ZP2: variants seen among roughly 807,000 people sequenced by gnomAD.
ZP2 encodes the protein zona pellucida sperm-binding protein 2.
Under a neutral mutation model 84.0 loss-of-function variants are expected in ZP2, and 51 were observed. The observed-to-expected ratio is 0.61, with a 90% CI of 0.49 to 0.77. The LOEUF (loss-of-function observed/expected upper bound fraction) is 0.77. Ranked by LOEUF, ZP2 falls within the 30% of genes least tolerant of loss-of-function variation. The pLI, the probability that ZP2 is intolerant of heterozygous loss-of-function variation, is 0.00. For synonymous variants in ZP2, 375 were observed against 330.9 expected, an observed-to-expected ratio of 1.13 and a Z score of -1.45; for missense variants, 909 against 911.9, an observed-to-expected ratio of 1.00 and a Z score of 0.04.
chr16:21,206,793 C>T, intron 5 of ZP2, 45 bp downstream of exon 5: 1 of 1,611,682 alleles, frequency 6.2e-7, no homozygotes, highest in Non-Finnish European at 8.5e-7. Context: ...TCATATTCCC[C>T]CTGCAGTAGC....
chr16:21,211,237 G>T, intron 2 of ZP2, 70 bp downstream of exon 2: 2 of 1,374,620 alleles, frequency 1.5e-6, no homozygotes, highest in Non-Finnish European at 2.1e-6. Flanking sequence ...TGTGTTTCTT[G>T]GCCAGCTAGG....
At chr16:21,213,169 C>CG (rs1567219035), upstream of ZP2, among the ~76,000 whole-genome samples, 1 of 152,082 alleles carries the variant, frequency 6.6e-6, no homozygotes, top group African/African-American at 2.4e-5. Context: ...CTCAGCCTCC[C>CG]GGGTAGCTGG....
intron 2 of ZP2, 83 bp from the exon 3 acceptor site, chr16:21,210,275 G>T: frequency 9.1e-7 from 1 of 1,097,590 alleles, no homozygotes; most frequent in East Asian, 2.4e-5. Flanking sequence ...CTCTCAGATG[G>T]GAGGGATTCC....
At chr16:21,201,308 C>T in intron 14 of ZP2, 61 bp downstream of exon 14, 1 of 1,452,940 alleles carries the variant, frequency 6.9e-7, no homozygotes, top group Non-Finnish European at 9.2e-7. Context: ...AGGGTTTATT[C>T]CCATTACTGG....
At chr16:21,205,033 A>T (rs140855204) in intron 7 of ZP2, among the ~76,000 whole-genome samples, 24 of 152,320 alleles carry the variant, frequency 1.6e-4, no homozygotes, top group African/African-American at 5.8e-4. Context: ...CCCAGGCTGG[A>T]GTGCAGTGGT....
rs781542768 is a variant in ZP2, at chr16:21,197,605, C to G, written c.2113G>C (p.Gly705Arg). Residue 705 changes from glycine to arginine, a missense_variant, in exon 19 of 19, where the codon GGG becomes CGG. Gly to Arg is a moderately radical substitution (Grantham distance 125, BLOSUM62 -2). Transcript: ENST00000574091. ...CCAACATCTCCAGCAGTCTTGTGCC[C>G]TTTGGTGTCCATAGCACCTACAAAG... The part of the protein sequence containing the change: ...VGSRGAMDTK[G>R]HKTAGDVGSK... 1 of 1,614,186 alleles carries G rather than the reference C, an allele frequency of 6.2e-7. No individual in the cohort carries two copies. The highest frequency in any genetic ancestry group is 1.1e-5 in the South Asian group (1 of 91,082).
chr16:21,208,784 T>C (rs902359201), intron 4 of ZP2, among the ~76,000 whole-genome samples: 7 of 152,210 alleles, frequency 4.6e-5, no homozygotes, highest in Non-Finnish European at 8.8e-5. Flanking sequence ...TAGCTCGTGT[T>C]TCATCACTTG....
rs1382051923 is a variant in ZP2 at position 21,199,820 on chromosome 16, TCA to T, written c.1751_1752del (p.Val584AspfsTer4). 1 of 1,613,696 alleles carries T rather than the reference TCA, an allele frequency of 6.2e-7. No homozygotes were observed. The highest frequency in any genetic ancestry group is 1.1e-5 in the South Asian group (1 of 91,040). On this transcript the variant is annotated frameshift_variant, in exon 15 of 19. Coordinates refer to ENST00000574091, the MANE Select transcript of ZP2 (RefSeq NM_001376232.1). LOFTEE classifies it high-confidence loss of function. ...QTTFHPVGSS[V>X]THPDHYQRFD... ...AACCTCTGATAGTGATCAGGATGGG[TCA>T]CAGAGGAGCCGACTGGATGGAAGGT... is the stretch of plus-strand genomic sequence containing the variant.
chr16:21,205,336 T>C lies in ZP2; in HGVS notation c.693+84A>G, dbSNP rs557136401. 154 of 1,494,302 alleles carry C rather than the reference T, an allele frequency of 1.0e-4. 1 individual carries two copies. In the East Asian group the frequency reaches 3.2e-3, roughly 31 times the overall value. The allele number at this position is 1,494,302 out of a possible 1,614,324, so 92.6% of individuals were successfully genotyped here. A position where few individuals can be genotyped will look rare whatever the true frequency, so the allele number is the denominator to read the frequency against. ...TAAAATGGGTTGTATTATAAATTAA[T>C]GTGAAGACATGGTTGAGATCATGCT... On this transcript the variant is annotated intron_variant, in intron 7 of 18. Coordinates refer to ENST00000574091, the MANE Select transcript of ZP2 (RefSeq NM_001376232.1).
At chr16:21,197,957 A>G in intron 17 of ZP2, 108 bp from the exon 18 acceptor site, 1 of 1,078,284 alleles carries the variant, frequency 9.3e-7, no homozygotes. Context: ...TATCTCAGGT[A>G]AGGGTATGTG....
At chr16:21,200,819 C>G (rs896519447) in intron 14 of ZP2, among the ~76,000 whole-genome samples, 1 of 152,158 alleles carries the variant, frequency 6.6e-6, no homozygotes, top group South Asian at 2.1e-4. Flanking sequence ...GGCTAGAGAC[C>G]AGTCTTTCCA....
At position 21,199,746 on chromosome 16, in the gene ZP2, G is replaced by C; in HGVS notation, c.1827C>G (p.Ser609Arg). 6.2e-7 allele frequency: 1 copy of C among 1,614,048 alleles called. No homozygotes were observed. The highest frequency in any genetic ancestry group is 8.5e-7 in the Non-Finnish European group (1 of 1,179,962). Residue 609 changes from serine (S) to arginine (R), a missense_variant, in exon 15 of 19, where the codon AGC becomes AGG. Physicochemically the swap from Ser to Arg is moderately radical, Grantham distance 110. Coordinates refer to ENST00000574091, the MANE Select transcript of ZP2 (RefSeq NM_001376232.1). ...TGGTGACTTCTGAATCACTTACCAGGCTAGAGAGCACGTGGGCTTCTGATA... is the reference window on the plus strand; with the variant it reads ...TGGTGACTTCTGAATCACTTACCAGCCTAGAGAGCACGTGGGCTTCTGATA... The part of the protein sequence containing the change: ...AFVSEAHVLS[S>R]LVYFHCSALI...
chr16:21,210,877 ATTTTT>A (rs559320725), intron 2 of ZP2, among the ~76,000 whole-genome samples: 32 of 133,638 alleles, frequency 2.4e-4, no homozygotes, highest in African/African-American at 9.2e-4. Context: ...GCCTGGCTGC[ATTTTT>A]TTTTTTTTTT....
chr16:21,201,449 G>C lies in ZP2; in HGVS notation c.1614C>G (p.Ile538Met). ...VRVLNRDDPNIKLVLDDCWAT... is the reference protein window; with the variant it reads ...VRVLNRDDPNMKLVLDDCWAT... ...CCCAGCAGTCATCTAAGACCAGCTT[G>C]ATGTTGGGGTCATCCCTGTTTAGGA... The change falls in exon 14 of 19, where the codon ATC (isoleucine) becomes ATG (methionine). Residue 538 changes from isoleucine (I) to methionine (M), a missense_variant. Coordinates refer to ENST00000574091, the MANE Select transcript of ZP2 (RefSeq NM_001376232.1). 6.2e-7 allele frequency: 1 copy of C among 1,613,570 alleles called. No individual in the cohort carries two copies. The highest frequency in any genetic ancestry group is 8.5e-7 in the Non-Finnish European group (1 of 1,179,804).
intron 9 of ZP2, 54 bp from the exon 10 acceptor site, chr16:21,203,305 T>C: frequency 6.2e-7 from 1 of 1,604,430 alleles, no homozygotes; most frequent in Non-Finnish European, 8.5e-7. Context: ...CCCGGAACCG[T>C]CACAGGGAGG....
rs759770475 is a variant in ZP2 at position 21,204,306 on chromosome 16, A to T, written c.790+2T>A. 3 of 1,613,962 alleles carry T rather than the reference A, an allele frequency of 1.9e-6. No homozygotes were observed. The highest frequency in any genetic ancestry group is 1.3e-5 in the African/African-American group (1 of 74,918). On this transcript the variant is annotated splice_donor_variant, in intron 8 of 18. Transcript: ENST00000574091. LOFTEE classifies it high-confidence loss of function. ...TGAGGTTGCAGCTATCTGGGACCTT[A>T]CCTGGTGCACAAATAGCTTGTGAAG...
chr16:21,208,369 T>C (rs533473209), intron 4 of ZP2, among the ~76,000 whole-genome samples: 1 of 152,338 alleles, frequency 6.6e-6, no homozygotes, highest in South Asian at 2.1e-4. Flanking sequence ...GATTACTTCA[T>C]TGATTGATCA....
chr16:21,201,311 A>G, intron 14 of ZP2, 58 bp downstream of exon 14: 2 of 1,469,756 alleles, frequency 1.4e-6, no homozygotes, highest in Non-Finnish European at 9.1e-7. Flanking sequence ...GTTTATTCCC[A>G]TTACTGGCAA....
chr16:21,200,396 C>T (rs2093219684), intron 14 of ZP2, among the ~76,000 whole-genome samples: 1 of 152,208 alleles, frequency 6.6e-6, no homozygotes, highest in Non-Finnish European at 1.5e-5. Context: ...TGAGATTGTG[C>T]CATTGCACTC....
Sources: gnomAD v4.1 joint callset for allele counts (sites outside exome capture counted in the v4.1 genomes callset) on GRCh38, gnomAD v4.1.1 for gene constraint, MANE v1.5 for transcripts, NCBI Gene and HGNC (gene_info 2026-07-23, HGNC 2026-07-21) for gene names.